The following CTNNA2 variants were observed in gnomAD, a reference collection of about 807,000 sequenced individuals.
CTNNA2 encodes catenin alpha-2.
CTNNA2 carries 42 observed loss-of-function variants against 101.0 expected under a neutral mutation model. That is an observed-to-expected ratio of 0.42 (90% CI 0.32 to 0.54). CTNNA2 has a LOEUF of 0.54. Among genes scored for constraint, CTNNA2 ranks in the 20% least tolerant of loss-of-function variants. The pLI, the probability that CTNNA2 is intolerant of heterozygous loss-of-function variation, is 0.14. For missense variants in CTNNA2, 871 were observed against 1,223.1 expected (o/e 0.71, Z 4.29); for synonymous variants, 450 against 456.4 (o/e 0.99, Z 0.18).
intron 7 of CTNNA2, among the ~76,000 whole-genome samples, chr2:80,271,421 CTTTT>C (rs201098852): frequency 7.2e-6 from 1 of 139,814 alleles, no homozygotes; most frequent in African/African-American, 2.6e-5. Context: ...TATCCTCAGT[CTTTT>C]TTTTTTTTTT....
chr2:80,423,052 TC>T (rs1249602653), intron 9 of CTNNA2, among the ~76,000 whole-genome samples: 1 of 152,130 alleles, frequency 6.6e-6, no homozygotes, highest in Non-Finnish European at 1.5e-5. Context: ...GTTTCTTTTT[TC>T]CCCACTCCTC....
At chr2:80,478,147 AC>A (rs1685873206) in intron 9 of CTNNA2, among the ~76,000 whole-genome samples, 1 of 152,204 alleles carries the variant, frequency 6.6e-6, no homozygotes, top group East Asian at 1.9e-4. Context: ...ATGATTAGTG[AC>A]ATTGAGCATT....
chr2:79,344,050 G>C (rs539523946), intron 3 of CTNNA2, among the ~76,000 whole-genome samples: 1 of 152,220 alleles, frequency 6.6e-6, no homozygotes, highest in East Asian at 1.9e-4. Flanking sequence ...CTGCCTTCAT[G>C]CTCTCTTGTA....
At chr2:80,071,842 T>C (rs777922687) in intron 7 of CTNNA2, among the ~76,000 whole-genome samples, 68 of 152,192 alleles carry the variant, frequency 4.5e-4, no homozygotes, top group Non-Finnish European at 8.1e-4. Context: ...ACATGTAATG[T>C]CTGCTGCAGA....
chr2:79,399,198 C>A (rs1367691257), intron 4 of CTNNA2, among the ~76,000 whole-genome samples: 1 of 152,060 alleles, frequency 6.6e-6, no homozygotes, highest in Non-Finnish European at 1.5e-5. Context: ...TGCAGCATTG[C>A]CAGTTGAGGA....
At chr2:80,244,774 G>C (rs1671197814) in intron 7 of CTNNA2, among the ~76,000 whole-genome samples, 1 of 152,114 alleles carries the variant, frequency 6.6e-6, no homozygotes, top group African/African-American at 2.4e-5. Flanking sequence ...TGGGATCTCG[G>C]CTCTGGGGCT....
At chr2:80,536,742 T>TTCTTGTGAGTGTTCAAACAAGAC (rs1205224452) in intron 9 of CTNNA2, among the ~76,000 whole-genome samples, 1 of 152,236 alleles carries the variant, frequency 6.6e-6, no homozygotes, top group East Asian at 1.9e-4. Context: ...ATTTTGGCTT[T>TTCTTGTGAGTGTTCAAACAAGAC]TCTTGTGAGT....
At chr2:80,256,129 A>G (rs1387952993) in intron 7 of CTNNA2, among the ~76,000 whole-genome samples, 2 of 152,186 alleles carry the variant, frequency 1.3e-5, no homozygotes, top group East Asian at 3.9e-4. Context: ...CCCTTTATTA[A>G]TGGGCTTCCT....
At chr2:79,728,312 A>G (rs1686988844) in intron 2 of CTNNA2, among the ~76,000 whole-genome samples, 1 of 152,030 alleles carries the variant, frequency 6.6e-6, no homozygotes, top group African/African-American at 2.4e-5. Context: ...TTTGATTTGC[A>G]TTTCTCTGAT....
At position 80,555,715 on chromosome 2, in the gene CTNNA2, G is replaced by A; in HGVS notation, c.1563G>A (p.Val521=). The change falls in exon 12 of 19, where the codon GTG becomes GTA. Residue 521 remains valine (V), a synonymous_variant. Transcript: ENST00000402739. ...SVSENHILED[V]NKCVIALQEG... ...TAGAAAATCACATCTTGGAGGATGT[G>A]AACAAGTGTGTGATAGCCCTCCAAG... 6.4e-7 allele frequency: 1 copy of A among 1,555,620 alleles called. No homozygotes were observed. Among genetic ancestry groups the A allele is most frequent in the Non-Finnish European group, 8.7e-7 (1 of 1,150,198 alleles).
chr2:79,862,994 C>T (rs892894957), intron 4 of CTNNA2, among the ~76,000 whole-genome samples: 12 of 152,134 alleles, frequency 7.9e-5, no homozygotes, highest in South Asian at 4.1e-4. Flanking sequence ...TTCTTTCTTT[C>T]TCCTCCTTAC....
chr2:80,397,587 C>T (rs1235303083), intron 8 of CTNNA2, among the ~76,000 whole-genome samples: 1 of 152,198 alleles, frequency 6.6e-6, no homozygotes, highest in African/African-American at 2.4e-5. Context: ...CACACGCTCT[C>T]TTGCCTGCCG....
Position 80,601,143 on chromosome 2 carries a change from G to T in CTNNA2, c.2190-2931G>T, listed in dbSNP as rs148647406. Among the ~76,000 whole-genome samples, 531 of 152,136 alleles carry T rather than the reference G, an allele frequency of 3.5e-3. 5 individuals are homozygous for T. The highest frequency in any genetic ancestry group is 0.012 in the African/African-American group (496 of 41,500). The stretch of plus-strand genomic sequence containing the variant: ...CCTAAAAACCTAACAAATAATTCTC[G>T]TATGTATAAGCCTACTCCAGCACTC... On this transcript the variant is annotated intron_variant, in intron 15 of 18. Transcript: ENST00000402739.
At chr2:79,229,550 C>T (rs1365277579) in intron 2 of CTNNA2, among the ~76,000 whole-genome samples, 1 of 152,056 alleles carries the variant, frequency 6.6e-6, no homozygotes, top group Non-Finnish European at 1.5e-5. Flanking sequence ...TGTAAATTGC[C>T]CAGTCTTGGG....
intron 3 of CTNNA2, among the ~76,000 whole-genome samples, chr2:79,798,024 A>C (rs1675857962): frequency 6.6e-6 from 1 of 152,114 alleles, no homozygotes; most frequent in South Asian, 2.1e-4. Flanking sequence ...CTTTGGAATC[A>C]CCCAGTCTGC....
At chr2:79,471,204 A>T (rs1011188334) in intron 4 of CTNNA2, among the ~76,000 whole-genome samples, 32 of 152,106 alleles carry the variant, frequency 2.1e-4, no homozygotes, top group African/African-American at 7.7e-4. Context: ...AGTGTGGATG[A>T]GGCTGCCATG....
chr2:79,449,404 A>C (rs1453365522), intron 4 of CTNNA2, among the ~76,000 whole-genome samples: 1 of 152,020 alleles, frequency 6.6e-6, no homozygotes, highest in Non-Finnish European at 1.5e-5. Flanking sequence ...TATTAGCAAC[A>C]CCACCAAGTA....
At chr2:79,590,803 A>G (rs1186652797) in intron 1 of CTNNA2, among the ~76,000 whole-genome samples, 2 of 152,220 alleles carry the variant, frequency 1.3e-5, no homozygotes, top group Non-Finnish European at 2.9e-5. Flanking sequence ...ATGAGAAAAC[A>G]GCACTGTGTT....
chr2:80,283,318 T>C (rs1674526887), intron 7 of CTNNA2, among the ~76,000 whole-genome samples: 1 of 152,084 alleles, frequency 6.6e-6, no homozygotes, highest in Admixed American at 6.6e-5. Flanking sequence ...ACCTGGATAT[T>C]TGATAATATT....
Sources: allele counts gnomAD v4.1 joint callset (sites outside exome capture counted in the v4.1 genomes callset), GRCh38; gene constraint gnomAD v4.1.1; transcripts MANE v1.5; gene names NCBI Gene and HGNC (gene_info 2026-07-23, HGNC 2026-07-21).